PC: variants seen among roughly 807,000 people sequenced by gnomAD.
The protein encoded by PC is pyruvate carboxylase, mitochondrial.
PC carries 46 observed loss-of-function variants against 107.8 expected under a neutral mutation model. The ratio of observed to expected loss-of-function variants is 0.43; its 90% CI spans 0.34 to 0.55. The LOEUF (loss-of-function observed/expected upper bound fraction) is 0.55, where lower values mean the gene tolerates loss of function less well. Ranked by LOEUF, PC falls within the 20% of genes least tolerant of loss-of-function variation. The pLI is 0.04. For synonymous variants in PC, 662 were observed against 684.7 expected (o/e 0.97, Z 0.52); for missense variants, 1,241 against 1,643.1 (o/e 0.76, Z 4.23).
rs745857922 is a variant in PC, at chr11:66,871,981, G to T, written c.136+43C>A. The T allele has an allele frequency of 1.9e-6, 3 of 1,558,180 alleles. No individual in the cohort carries two copies. The highest frequency in any genetic ancestry group is 2.4e-5 in the East Asian group (1 of 41,646). On this transcript the variant is annotated intron_variant, in intron 4 of 22. Coordinates refer to ENST00000393960, the MANE Select transcript of PC (RefSeq NM_001040716.2). This position sits in a 1 kb window ranked among gnomAD's most constrained non-coding sequence, Gnocchi z 7.4. ...GAGTGGGAGAAGAATGCCAAGGCTG[G>T]GGCGGCCATGAGGCTCCTCTCACCG... is the stretch of plus-strand genomic sequence containing the variant.
intron 11 of PC, among the ~76,000 whole-genome samples, chr11:66,864,254 A>G (rs2135906295): frequency 6.6e-6 from 1 of 152,358 alleles, no homozygotes; most frequent in East Asian, 1.9e-4. Context: ...CCGGGCAGGC[A>G]GGGGCCAGCC....
chr11:66,913,563 G>A (rs1452866687), intron 3 of PC, among the ~76,000 whole-genome samples: 1 of 151,576 alleles, frequency 6.6e-6, no homozygotes, highest in Non-Finnish European at 1.5e-5. Context: ...TCAGGAGGCT[G>A]AGGCAGGAGA....
chr11:66,949,239 G>A (rs1284587186), intron 3 of PC, among the ~76,000 whole-genome samples: 1 of 151,308 alleles, frequency 6.6e-6, no homozygotes, highest in Non-Finnish European at 1.5e-5. Context: ...TGATCTGCCC[G>A]CCTTGGCCTC....
chr11:66,916,956 AAAAAT>A (rs1215559040), intron 3 of PC, among the ~76,000 whole-genome samples: 2 of 151,226 alleles, frequency 1.3e-5, no homozygotes, highest in Non-Finnish European at 2.9e-5. Flanking sequence ...TCTGTCTCAA[AAAAAT>A]AAAATAAAAT....
At position 66,870,676 on chromosome 11, in the gene PC, C is replaced by G; in HGVS notation, c.751+99G>C. ...CCTCTGGAAAAGCGCCCGACAGGCC[C>G]CAGGGCTGTCCCCAAGGCCAGCCAC... is the stretch of plus-strand genomic sequence containing the variant. On this transcript the variant is annotated intron_variant, in intron 8 of 22. Transcript: ENST00000393960. The surrounding 1 kb of genome is among the most constrained non-coding windows in gnomAD (Gnocchi z 6.1). The G allele has an allele frequency of 7.7e-7, 1 of 1,294,450 alleles. No individual in the cohort carries two copies. Among genetic ancestry groups the G allele is most frequent in the Non-Finnish European group, 1.1e-6 (1 of 901,644 alleles). 80.2% of individuals were successfully genotyped at this position (1,294,450 alleles called of 1,614,324 possible).
intron 10 of PC, among the ~76,000 whole-genome samples, chr11:66,867,720 A>C (rs1946554266): frequency 6.6e-6 from 1 of 152,006 alleles, no homozygotes; most frequent in African/African-American, 2.4e-5. Context: ...CAGCAGACAG[A>C]CTCCCATCCC....
At chr11:66,899,701 C>T (rs1243996347) in intron 3 of PC, among the ~76,000 whole-genome samples, 1 of 152,198 alleles carries the variant, frequency 6.6e-6, no homozygotes, top group Non-Finnish European at 1.5e-5. Flanking sequence ...AATGTTCTCC[C>T]ACTTTGTGGG....
At chr11:66,914,901 G>A (rs1397142485) in intron 3 of PC, among the ~76,000 whole-genome samples, 1 of 152,084 alleles carries the variant, frequency 6.6e-6, no homozygotes, top group East Asian at 1.9e-4. Context: ...GTGGTGGTAC[G>A]TGCCTATGAT....
rs1948766294 is a variant in PC at position 66,928,302 on chromosome 11, G to A, written c.-1+24128C>T. Among the ~76,000 whole-genome samples, 3 of 150,848 alleles carry A rather than the reference G, an allele frequency of 2.0e-5. No individual in the cohort carries two copies. The Admixed American group carries it at 2.0e-4, about 10-fold the overall frequency. On this transcript the variant is annotated intron_variant, in intron 3 of 22. Transcript: ENST00000393960. ...CCTGGGAGGCTGAGGCAGAAGAATTGCTTGAGCCCAGGAGGCAGGATCGCA... is the reference window on the plus strand; with the variant it reads ...CCTGGGAGGCTGAGGCAGAAGAATTACTTGAGCCCAGGAGGCAGGATCGCA...
intron 3 of PC, among the ~76,000 whole-genome samples, chr11:66,914,738 T>A (rs966043106): frequency 2.0e-5 from 3 of 152,046 alleles, no homozygotes; most frequent in Admixed American, 6.5e-5. Flanking sequence ...CAGGGACTGT[T>A]TAGTAGTAGT....
In PC at chr11:66,858,108, C is replaced by T; in HGVS notation, c.1369-4725G>A. The T allele has an allele frequency of 6.2e-7, 1 of 1,610,452 alleles. No homozygotes were observed. The highest frequency in any genetic ancestry group is 8.5e-7 in the Non-Finnish European group (1 of 1,178,762). On this transcript the variant is annotated intron_variant, in intron 12 of 22. Coordinates refer to ENST00000393960, the MANE Select transcript of PC (RefSeq NM_001040716.2). This position sits in a 1 kb window ranked among gnomAD's most constrained non-coding sequence, Gnocchi z 5.9. ...CGGGAGCCTCCGGGGCCCCGTCAAT[C>T]TGCAGCACCTCATCCTCAGCGGCAA...
rs1294791412 is a variant in PC, at chr11:66,857,763, C to T, written c.1369-4380G>A. ...GCTCACCATGGCCCCGCCGCTCCTGCTGCTGCTGCTGGCCAGTGGAGCGGC... is the reference window on the plus strand; with the variant it reads ...GCTCACCATGGCCCCGCCGCTCCTGTTGCTGCTGCTGGCCAGTGGAGCGGC... On this transcript the variant is annotated intron_variant, in intron 12 of 22. Transcript: ENST00000393960. This position sits in a 1 kb window ranked among gnomAD's most constrained non-coding sequence, Gnocchi z 7.1. 6.3e-7 allele frequency: 1 copy of T among 1,594,096 alleles called. No homozygotes were observed. Among genetic ancestry groups the T allele is most frequent in the Admixed American group, 1.7e-5 (1 of 59,828 alleles).
rs375770314 is a variant in PC at position 66,854,823 on chromosome 11, G to A, written c.1369-1440C>T. Among the ~76,000 whole-genome samples the A allele has an allele frequency of 2.4e-4, 37 of 152,302 alleles. No homozygotes were observed. In the East Asian group the frequency reaches 5.6e-3, roughly 23 times the overall value. ...GGTGCTCACCACAGAGTGGGACCCCGCCAGCAGTGCTGTGCCTGTCTGCCC... is the reference window on the plus strand; with the variant it reads ...GGTGCTCACCACAGAGTGGGACCCCACCAGCAGTGCTGTGCCTGTCTGCCC... On this transcript the variant is annotated intron_variant, in intron 12 of 22. Coordinates refer to ENST00000393960, the MANE Select transcript of PC (RefSeq NM_001040716.2).
At chr11:66,859,624 C>A in intron 12 of PC, 1 of 1,612,682 alleles carries the variant, frequency 6.2e-7, no homozygotes, top group African/African-American at 1.3e-5. Context: ...TGACCACCTG[C>A]CCTTGCCTGC....
chr11:66,896,711 C>T (rs1947772719), intron 3 of PC, among the ~76,000 whole-genome samples: 1 of 152,240 alleles, frequency 6.6e-6, no homozygotes, highest in African/African-American at 2.4e-5. Context: ...GAACATAACA[C>T]CTGAAGCCTA....
intron 3 of PC, among the ~76,000 whole-genome samples, chr11:66,942,257 G>A (rs1467386861): frequency 6.6e-6 from 1 of 151,506 alleles, no homozygotes. Context: ...AAAATTAGCT[G>A]GGCATGGTGG....
At chr11:66,944,010 A>G (rs1382272679) in intron 3 of PC, among the ~76,000 whole-genome samples, 9 of 143,184 alleles carry the variant, frequency 6.3e-5, no homozygotes, top group Non-Finnish European at 1.2e-4. Flanking sequence ...GGCCGGGCAC[A>G]GTGGCTCACG....
chr11:66,886,404 G>C (rs569750494), intron 3 of PC, among the ~76,000 whole-genome samples: 1 of 152,116 alleles, frequency 6.6e-6, no homozygotes, highest in Non-Finnish European at 1.5e-5. Context: ...CCTCTATGTC[G>C]GGATGCTATG....
chr11:66,897,540 C>G (rs952188984), intron 3 of PC, among the ~76,000 whole-genome samples: 4 of 152,154 alleles, frequency 2.6e-5, no homozygotes, highest in Admixed American at 2.0e-4. Flanking sequence ...CCACTGCACT[C>G]CAGCCTGGGC....
Sources: gnomAD v4.1 joint callset for allele counts (sites outside exome capture counted in the v4.1 genomes callset) on GRCh38, gnomAD v4.1.1 for gene constraint, Gnocchi (gnomAD v3.1) non-coding constraint, MANE v1.5 for transcripts, NCBI Gene and HGNC (gene_info 2026-07-23, HGNC 2026-07-21) for gene names.